Variants in ADAMTSL1 observed in about 807,000 individuals in gnomAD.
ADAMTSL1 encodes ADAMTS like 1, also known as ADAMTS-like protein 1.
In ADAMTSL1, 126 loss-of-function variants were observed where a neutral mutation model predicts 201.8. That is an observed-to-expected ratio of 0.62 (90% CI 0.54 to 0.72). The LOEUF is 0.72. Among genes scored for constraint, ADAMTSL1 ranks in the 30% least tolerant of loss-of-function variants. The pLI is 0.00. For missense variants in ADAMTSL1, 2,679 were observed against 2,277.8 expected (o/e 1.18, Z -3.59); for synonymous variants, 1,121 against 903.4 (o/e 1.24, Z -4.32).
chr9:18,837,413 C>T (rs1224675866), intron 23 of ADAMTSL1, among the ~76,000 whole-genome samples: 5 of 152,294 alleles, frequency 3.3e-5, no homozygotes, highest in South Asian at 2.1e-4. Context: ...TTCTTATATA[C>T]GTGGGTATAT....
chr9:18,067,451 G>T (rs373849342), intron 1 of ADAMTSL1, among the ~76,000 whole-genome samples: 2 of 151,742 alleles, frequency 1.3e-5, no homozygotes, highest in South Asian at 4.2e-4. Context: ...TGAGAAATAT[G>T]AAAGCATAAA....
intron 26 of ADAMTSL1, among the ~76,000 whole-genome samples, chr9:18,894,543 A>C (rs543516937): frequency 6.6e-6 from 1 of 152,066 alleles, no homozygotes; most frequent in South Asian, 2.1e-4. Context: ...GATCCATTGG[A>C]TATGAGGGAT....
intron 1 of ADAMTSL1, among the ~76,000 whole-genome samples, chr9:18,495,394 G>A (rs760714367): frequency 6.6e-6 from 1 of 152,146 alleles, no homozygotes; most frequent in Non-Finnish European, 1.5e-5. Context: ...AGGAACTGTT[G>A]AAAATAGTAA....
At chr9:18,158,359 A>G (rs921559156) in intron 1 of ADAMTSL1, among the ~76,000 whole-genome samples, 1 of 151,962 alleles carries the variant, frequency 6.6e-6, no homozygotes, top group African/African-American at 2.4e-5. Flanking sequence ...CTAATCCTTT[A>G]CAGTTGAATT....
Position 17,945,814 on chromosome 9 carries a change from T to G in ADAMTSL1, c.87+38892T>G, listed in dbSNP as rs868085520. On this transcript the variant is annotated intron_variant, in intron 1 of 29. Transcript: ENST00000680146. Reference sequence around the variant, plus strand: ...GGGAACATCACACTCTGGGGACTGTTGTGGGGTGGGGGGAGGGGGGAGGGA... The same window carrying G: ...GGGAACATCACACTCTGGGGACTGTGGTGGGGTGGGGGGAGGGGGGAGGGA... Among the ~76,000 whole-genome samples the G allele has an allele frequency of 5.6e-3, 493 of 87,284 alleles. 3 individuals are homozygous for G. The highest frequency in any genetic ancestry group is 0.022 in the African/African-American group (470 of 21,400). The allele number at this position is 87,284 out of a possible 152,430, so 57.3% of individuals were successfully genotyped here. A position where few individuals can be genotyped will look rare whatever the true frequency, so the allele number is the denominator to read the frequency against.
chr9:17,944,604 T>G (rs1305980881), intron 1 of ADAMTSL1, among the ~76,000 whole-genome samples: 6 of 146,326 alleles, frequency 4.1e-5, no homozygotes, highest in East Asian at 2.0e-4. Context: ...ATGGTACTGG[T>G]ACCAAAACAG....
At chr9:18,166,575 G>A (rs1319649902) in intron 2 of ADAMTSL1, among the ~76,000 whole-genome samples, 4 of 151,902 alleles carry the variant, frequency 2.6e-5, no homozygotes, top group African/African-American at 9.7e-5. Context: ...ACTCAGGGAT[G>A]TTTGCCAACT....
chr9:18,217,881 T>C (rs1385307359), intron 2 of ADAMTSL1, among the ~76,000 whole-genome samples: 2 of 151,716 alleles, frequency 1.3e-5, no homozygotes, highest in African/African-American at 2.4e-5. Context: ...CTTGAGGCAA[T>C]GTACGTGCTG....
intron 1 of ADAMTSL1, among the ~76,000 whole-genome samples, chr9:18,115,569 A>C (rs756863444): frequency 6.6e-6 from 1 of 152,200 alleles, no homozygotes; most frequent in African/African-American, 2.4e-5. Flanking sequence ...TTGTTTATTT[A>C]CCAGAACTTA....
chr9:18,906,619 G>A, intron 27 of ADAMTSL1, 73 bp from the exon 28 acceptor site: 1 of 1,247,188 alleles, frequency 8.0e-7, no homozygotes, highest in Non-Finnish European at 1.1e-6. Flanking sequence ...TGAGTTTGCA[G>A]CACTATTTTC....
chr9:18,446,762 A>C lies in ADAMTSL1; in HGVS notation c.208-58067A>C, dbSNP rs7875260. On this transcript the variant is annotated intron_variant, in intron 2 of 29. Transcript: ENST00000680146. ...ATGTTCTTACCTATGTCATCTAAAA[A>C]ATAGTATTCTTGAACTTTCGGGTAA... is the stretch of plus-strand genomic sequence containing the variant. Among the ~76,000 whole-genome samples, 370 of 152,356 alleles carry C rather than the reference A, an allele frequency of 2.4e-3. 1 individual carries two copies. Among genetic ancestry groups the C allele is most frequent in the African/African-American group, 8.4e-3 (348 of 41,576 alleles).
chr9:18,067,184 C>T (rs906720394), intron 1 of ADAMTSL1, among the ~76,000 whole-genome samples: 3 of 152,074 alleles, frequency 2.0e-5, no homozygotes, highest in African/African-American at 4.8e-5. Context: ...CTTTAGATTC[C>T]AATCCCAGCT....
At chr9:18,166,206 AG>A (rs2132103993) in intron 2 of ADAMTSL1, among the ~76,000 whole-genome samples, 1 of 152,064 alleles carries the variant, frequency 6.6e-6, no homozygotes, top group Admixed American at 6.6e-5. Context: ...CCTTGAAGAC[AG>A]GACCTCTGTT....
At chr9:18,807,551 G>T (rs971225531) in intron 20 of ADAMTSL1, among the ~76,000 whole-genome samples, 6 of 151,748 alleles carry the variant, frequency 4.0e-5, no homozygotes, top group Admixed American at 3.9e-4. Context: ...AGCCTGAGGC[G>T]GGAGAACCGG....
intron 2 of ADAMTSL1, among the ~76,000 whole-genome samples, 195 bp from the exon 3 acceptor site, chr9:18,533,052 T>G (rs1209239233): frequency 1.3e-5 from 2 of 152,064 alleles, no homozygotes; most frequent in Non-Finnish European, 2.9e-5. Context: ...TCAACCCTTA[T>G]AGAGAAATCA....
intron 1 of ADAMTSL1, among the ~76,000 whole-genome samples, chr9:17,917,921 G>C (rs1379711819): frequency 6.6e-6 from 1 of 151,934 alleles, no homozygotes; most frequent in Admixed American, 6.6e-5. Flanking sequence ...AAGTTCGTCA[G>C]TTTCATCTAA....
At chr9:18,366,231 A>G (rs552352805) in intron 2 of ADAMTSL1, among the ~76,000 whole-genome samples, 2 of 151,886 alleles carry the variant, frequency 1.3e-5, no homozygotes, top group Admixed American at 6.6e-5. Flanking sequence ...ATGAATTTAT[A>G]TGGTCTATAC....
chr9:18,604,237 G>A (rs190702439), intron 4 of ADAMTSL1, among the ~76,000 whole-genome samples: 243 of 152,324 alleles, frequency 1.6e-3, no homozygotes, highest in Non-Finnish European at 2.6e-3. Flanking sequence ...AAGCTGGAAC[G>A]TGCCTGTGAG....
At chr9:18,488,841 G>A (rs1244607493) in intron 1 of ADAMTSL1, among the ~76,000 whole-genome samples, 1 of 152,302 alleles carries the variant, frequency 6.6e-6, no homozygotes, top group East Asian at 1.9e-4. Flanking sequence ...CAATCTCAAA[G>A]AAAGGGACTG....
Sources: gnomAD v4.1 joint callset for allele counts (sites outside exome capture counted in the v4.1 genomes callset) on GRCh38, gnomAD v4.1.1 for gene constraint, MANE v1.5 for transcripts, NCBI Gene and HGNC (gene_info 2026-07-23, HGNC 2026-07-21) for gene names.